The following AP5Z1 variants were observed in gnomAD, a reference collection of about 807,000 sequenced individuals.
AP5Z1 encodes AP-5 complex subunit zeta-1.
AP5Z1 carries 106 observed loss-of-function variants against 83.0 expected under a neutral mutation model. That is an observed-to-expected ratio of 1.28 (90% CI 1.09 to 1.50). The LOEUF is 1.50. Among genes scored for constraint, AP5Z1 ranks in the 40% most tolerant of loss-of-function variants. AP5Z1 has a pLI of 0.00. For synonymous variants in AP5Z1, 751 were observed against 514.1 expected (o/e 1.46, Z -6.23); for missense variants, 1,565 against 1,094.2 (o/e 1.43, Z -6.07).
intron 2 of AP5Z1, 51 bp downstream of exon 2, chr7:4,781,363 AAC>A (rs1410930061): frequency 2.1e-5 from 34 of 1,608,200 alleles, no homozygotes; most frequent in Non-Finnish European, 2.7e-5. Flanking sequence ...GCCCCAGGAG[AAC>A]CCAGCCCACG....
At chr7:4,788,677 C>T (rs557575017) in intron 12 of AP5Z1, 163 bp from the exon 13 acceptor site, 5 of 626,952 alleles carry the variant, frequency 8.0e-6, no homozygotes, top group East Asian at 3.0e-5. Context: ...TGTGCTGACG[C>T]CAGGGGTCTC....
intron 6 of AP5Z1, 119 bp from the exon 7 acceptor site, chr7:4,784,789 C>A: frequency 7.3e-7 from 1 of 1,364,002 alleles, no homozygotes; most frequent in East Asian, 2.6e-5. Flanking sequence ...GGTGACGCCT[C>A]ACGCCTCCCG....
chr7:4,781,705 C>CG lies in AP5Z1; in HGVS notation c.318dup (p.Gln107AlafsTer18). 2 of 1,585,812 alleles carry CG rather than the reference C, an allele frequency of 1.3e-6. No homozygotes were observed. The highest frequency in any genetic ancestry group is 1.7e-4 in the Middle Eastern group (1 of 5,986). ...AGCCTCAGCCTGGCCTGGGACCACA[C>CG]GCAGAACAGCCGGCAGCTGAGCCTG... On this transcript the variant is annotated frameshift_variant, in exon 3 of 17. Transcript: ENST00000649063. LOFTEE classifies it high-confidence loss of function.
Position 4,781,830 on chromosome 7 carries a change from C to T in AP5Z1, c.366+76C>T, listed in dbSNP as rs1417975857. On this transcript the variant is annotated intron_variant, in intron 3 of 16. Coordinates refer to ENST00000649063, the MANE Select transcript of AP5Z1 (RefSeq NM_014855.3). ...GAACAGGGGAGACAGGAAGCAGGGG[C>T]GCCAGAGCCGGCAGGTGGCTGCTTG... The T allele has an allele frequency of 5.6e-6, 8 of 1,422,596 alleles. No individual in the cohort carries two copies. The African/African-American group carries it at 7.2e-5, about 13-fold the overall frequency. The allele number at this position is 1,422,596 out of a possible 1,614,324, so 88.1% of individuals were successfully genotyped here. A position where few individuals can be genotyped will look rare whatever the true frequency, so the allele number is the denominator to read the frequency against.
intron 1 of AP5Z1, among the ~76,000 whole-genome samples, chr7:4,779,308 G>A (rs1018837779): frequency 2.9e-5 from 4 of 139,910 alleles, no homozygotes; most frequent in South Asian, 4.3e-4. Context: ...CATATATAAC[G>A]TATATAACAT....
chr7:4,787,887 C>A (rs1438760951), intron 11 of AP5Z1, 111 bp downstream of exon 11: 2 of 1,328,524 alleles, frequency 1.5e-6, no homozygotes, highest in Non-Finnish European at 1.0e-6. Context: ...CCTTCTTCCC[C>A]CCCCAACACC....
At chr7:4,788,070 C>T (rs1210365461) in intron 11 of AP5Z1, 84 bp from the exon 12 acceptor site, 11 of 1,445,852 alleles carry the variant, frequency 7.6e-6, no homozygotes, top group South Asian at 7.3e-5. Flanking sequence ...ATATTAGGGA[C>T]ACCTGCCGTG....
At chr7:4,781,387 A>G (rs889493378) in intron 2 of AP5Z1, 75 bp downstream of exon 2, 7 of 1,599,630 alleles carry the variant, frequency 4.4e-6, no homozygotes, top group Non-Finnish European at 6.0e-6. Flanking sequence ...CCAGCAGGTC[A>G]CTGCAGATGC....
chr7:4,788,677 C>G (rs557575017), intron 12 of AP5Z1, 163 bp from the exon 13 acceptor site: 1 of 626,834 alleles, frequency 1.6e-6, no homozygotes, highest in Admixed American at 3.1e-5. Context: ...TGTGCTGACG[C>G]CAGGGGTCTC....
Position 4,781,754 on chromosome 7 carries a change from G to C in AP5Z1, c.366G>C (p.Gln122His), listed in dbSNP as rs1159783147. The C allele has an allele frequency of 6.4e-7, 1 of 1,557,850 alleles. No individual in the cohort carries two copies. The highest frequency in any genetic ancestry group is 1.2e-5 in the South Asian group (1 of 85,004). The change falls in exon 3 of 17, where the codon CAG (glutamine) becomes CAC (histidine). Residue 122 changes from glutamine (Q) to histidine (H), a missense_variant and splice_region_variant. Transcript: ENST00000649063. Reference sequence around the variant, plus strand: ...TGGTGGCCTCCGTTCTCTTGGCCCAGGTAGCGCAGCAGTCACCACCCCAGT... The same window carrying C: ...TGGTGGCCTCCGTTCTCTTGGCCCACGTAGCGCAGCAGTCACCACCCCAGT... ...LSLVASVLLA[Q>H]GDRNEEVRAV...
chr7:4,791,341 G>C lies in AP5Z1; in HGVS notation c.2380G>C (p.Val794Leu). ...NTALPLALRT[V>L]SRLVEREAGL... ...GGCCCTGCCCCTGGCCCTGCGCACG[G>C]TCAGCCGGCTGGTGGAGAGGGAGGC... The change falls in exon 17 of 17, where the codon GTC (valine) becomes CTC (leucine). Residue 794 changes from valine (V) to leucine (L), a missense_variant. Coordinates refer to ENST00000649063, the MANE Select transcript of AP5Z1 (RefSeq NM_014855.3). 3.1e-6 allele frequency: 5 copies of C among 1,609,616 alleles called. No individual in the cohort carries two copies. The highest frequency in any genetic ancestry group is 3.4e-6 in the Non-Finnish European group (4 of 1,178,572).
intron 6 of AP5Z1, 133 bp from the exon 7 acceptor site, chr7:4,784,775 A>G (rs1781486343): frequency 1.6e-6 from 2 of 1,261,278 alleles, no homozygotes; most frequent in African/African-American, 3.0e-5. Flanking sequence ...GGACGTCCTG[A>G]GACGGTGACG....
Position 4,788,858 on chromosome 7 carries a change from G to A in AP5Z1, c.1614G>A (p.Gln538=). 1 of 1,608,218 alleles carries A rather than the reference G, an allele frequency of 6.2e-7. No individual in the cohort carries two copies. Residue 538 remains glutamine, a synonymous_variant, in exon 13 of 17, where the codon CAG becomes CAA. Transcript: ENST00000649063. The part of the protein sequence containing the change: ...GATERLAPLH[Q]LLQPMAGCAR... ...TCCTCAGGTTGGCGCCACTCCACCA[G>A]CTGCTGCAGCCCATGGCCGGCTGTG...
rs746736951 is a variant in AP5Z1, at chr7:4,790,819, C to G, written c.2085C>G (p.Pro695=). The G allele has an allele frequency of 3.7e-6, 6 of 1,609,360 alleles. No homozygotes were observed. The highest frequency in any genetic ancestry group is 4.2e-6 in the Non-Finnish European group (5 of 1,178,922). ...RPSAALPRCP[P]QVVTVLMTTL... ...CTGCTGCCCTGCCCAGGTGTCCCCCCCAGGTGGTCACCGTGCTGATGACCA... is the reference window on the plus strand; with the variant it reads ...CTGCTGCCCTGCCCAGGTGTCCCCCGCAGGTGGTCACCGTGCTGATGACCA... Residue 695 remains proline, a synonymous_variant, in exon 16 of 17, where the codon CCC becomes CCG. Coordinates refer to ENST00000649063, the MANE Select transcript of AP5Z1 (RefSeq NM_014855.3).
At position 4,790,491 on chromosome 7, in the gene AP5Z1, C is replaced by A; in HGVS notation, c.1838C>A (p.Thr613Lys). 6.2e-7 allele frequency: 1 copy of A among 1,613,176 alleles called. No individual in the cohort carries two copies. Residue 613 changes from threonine to lysine, a missense_variant, in exon 15 of 17, where the codon ACG (threonine) becomes AAG (lysine). Physicochemically the swap from Thr to Lys is moderately conservative, Grantham distance 78. Coordinates refer to ENST00000649063, the MANE Select transcript of AP5Z1 (RefSeq NM_014855.3). ...AGTTCTCAGTTCCTGGCCCTGTGTA[C>A]GCTGAAACCCTCCCTGGTGGTGGAG... ...VLSSQFLALCTLKPSLVVELA... is the reference protein window; with the variant it reads ...VLSSQFLALCKLKPSLVVELA...
chr7:4,786,174 AG>A, intron 9 of AP5Z1, 75 bp from the exon 10 acceptor site: 1 of 1,406,742 alleles, frequency 7.1e-7, no homozygotes, highest in Non-Finnish European at 9.5e-7. Flanking sequence ...CCTGAGACTC[AG>A]GGCCCCTAAC....
Position 4,790,588 on chromosome 7 carries a change from C to G in AP5Z1, c.1935C>G (p.Ser645Arg). 1 of 1,612,896 alleles carries G rather than the reference C, an allele frequency of 6.2e-7. No individual in the cohort carries two copies. The highest frequency in any genetic ancestry group is 8.5e-7 in the Non-Finnish European group (1 of 1,179,824). Residue 645 changes from serine to arginine, a missense_variant, in exon 15 of 17, where the codon AGC becomes AGG. Coordinates refer to ENST00000649063, the MANE Select transcript of AP5Z1 (RefSeq NM_014855.3). ...GCAGCAGGGCGAGCCTCGTCACCAG[C>G]GTGGTAAGGCGGGCGCTGGCCTCCC... ...GLCSRASLVT[S>R]VVWAIGEYLS... is the part of the protein sequence containing the mutation.
chr7:4,786,778 T>C (rs936462098), intron 10 of AP5Z1, among the ~76,000 whole-genome samples: 20 of 151,898 alleles, frequency 1.3e-4, no homozygotes, highest in Admixed American at 3.3e-4. Flanking sequence ...TTGCCTTTTT[T>C]TTTTCTTTTG....
Position 4,781,610 on chromosome 7 carries a change from C to A in AP5Z1, c.222C>A (p.Gly74=), listed in dbSNP as rs1259313177. ...TAGACCTGCTGCAGGCCACCCTCGGCCTGCCTGCATGCCCCGAGCAGCTCC... is the reference window on the plus strand; with the variant it reads ...TAGACCTGCTGCAGGCCACCCTCGGACTGCCTGCATGCCCCGAGCAGCTCC... The part of the protein sequence containing the change: ...TCVDLLQATL[G]LPACPEQLQV... The change falls in exon 3 of 17, where the codon GGC becomes GGA. Residue 74 remains glycine (G), a synonymous_variant. Coordinates refer to ENST00000649063, the MANE Select transcript of AP5Z1 (RefSeq NM_014855.3). 3.7e-6 allele frequency: 6 copies of A among 1,610,056 alleles called. No individual in the cohort carries two copies. The highest frequency in any genetic ancestry group is 4.2e-6 in the Non-Finnish European group (5 of 1,177,826).
Sources: allele counts gnomAD v4.1 joint callset (sites outside exome capture counted in the v4.1 genomes callset), GRCh38; gene constraint gnomAD v4.1.1; transcripts MANE v1.5; gene names NCBI Gene and HGNC (gene_info 2026-07-23, HGNC 2026-07-21).